ACADM: variants seen among roughly 807,000 people sequenced by gnomAD.
ACADM encodes acyl-CoA dehydrogenase medium chain.
ACADM carries 49 observed loss-of-function variants against 58.9 expected under a neutral mutation model. The observed-to-expected ratio is 0.83, with a 90% CI of 0.66 to 1.06. The LOEUF is 1.06. Among genes scored for constraint, ACADM ranks in the 50% least tolerant of loss-of-function variants. ACADM has a pLI of 0.00. For missense variants in ACADM, 496 were observed against 507.0 expected (o/e 0.98, Z 0.21); for synonymous variants, 160 against 157.7 (o/e 1.01, Z -0.11).
At chr1:75,743,314 C>T in intron 7 of ACADM, 1 of 1,297,232 alleles carries the variant, frequency 7.7e-7, no homozygotes, top group South Asian at 1.4e-5. Context: ...TTGAGGCCAA[C>T]AGCATGTGCC....
intron 7 of ACADM, chr1:75,743,964 C>T: frequency 1.9e-6 from 3 of 1,551,330 alleles, no homozygotes; most frequent in East Asian, 2.2e-5. Context: ...TATGTTTCTT[C>T]AAAAAAGCCT....
intron 7 of ACADM, chr1:75,744,230 G>A (rs1392614123): frequency 1.0e-5 from 16 of 1,585,838 alleles, no homozygotes; most frequent in East Asian, 8.9e-5. Context: ...TGGTGGCATC[G>A]AGTGGGTATG....
At chr1:75,741,011 G>C (rs546892938) in intron 7 of ACADM, among the ~76,000 whole-genome samples, 1 of 152,302 alleles carries the variant, frequency 6.6e-6, no homozygotes, top group Admixed American at 6.5e-5. Context: ...GAATTAATGA[G>C]TGAAAGTTAG....
At chr1:75,744,666 G>C (rs929487113) in intron 7 of ACADM, 2 of 857,562 alleles carry the variant, frequency 2.3e-6, no homozygotes, top group Admixed American at 1.7e-5. Flanking sequence ...CTGGTCCCTG[G>C]CATAAGGAGA....
Position 75,745,792 on chromosome 1 carries a change from T to C in ACADM, c.600-14T>C. ...CCGATATTATCACCATTATCCGGTA[T>C]GTGTATCTCTTAGGTATTTTTTATT... On this transcript the variant is annotated splice_polypyrimidine_tract_variant and intron_variant, in intron 7 of 11. Coordinates refer to ENST00000370841, the MANE Select transcript of ACADM (RefSeq NM_000016.6). 1 of 1,568,612 alleles carries C rather than the reference T, an allele frequency of 6.4e-7. No homozygotes were observed. Among genetic ancestry groups the C allele is most frequent in the South Asian group, 1.1e-5 (1 of 90,134 alleles).
At chr1:75,759,050 A>G (rs1648674881) in intron 10 of ACADM, among the ~76,000 whole-genome samples, 1 of 152,174 alleles carries the variant, frequency 6.6e-6, no homozygotes, top group African/African-American at 2.4e-5. Flanking sequence ...TGAAGTCAGC[A>G]AGACCACGAA....
At chr1:75,733,689 G>A in intron 5 of ACADM, 61 bp downstream of exon 5, 2 of 1,354,790 alleles carry the variant, frequency 1.5e-6, no homozygotes, top group Non-Finnish European at 2.1e-6. Flanking sequence ...AGTTACTCCT[G>A]AAGAAGTTGG....
At chr1:75,736,163 C>CAG (rs1170329057) in intron 6 of ACADM, among the ~76,000 whole-genome samples, 35 of 112,248 alleles carry the variant, frequency 3.1e-4, no homozygotes, top group Admixed American at 5.7e-4. Flanking sequence ...GATAAATACA[C>CAG]ACACAGACAT....
rs371418479 is a variant in ACADM at position 75,724,719 on chromosome 1, C to T, written c.-69C>T. The T allele has an allele frequency of 2.7e-5, 41 of 1,531,132 alleles. No homozygotes were observed. Among genetic ancestry groups the T allele is most frequent in the African/African-American group, 7.1e-5 (5 of 69,932 alleles). 94.8% of individuals were successfully genotyped at this position (1,531,132 alleles called of 1,614,324 possible). On this transcript the variant is annotated 5_prime_UTR_variant, in exon 1 of 12. Coordinates refer to ENST00000370841, the MANE Select transcript of ACADM (RefSeq NM_000016.6). ...CCAGTGGGCGGGACCAGAGGAGTCC[C>T]GCGTTCGGGGAGTATGTCAAGGCCG...
At chr1:75,728,246 TTTAAA>T in intron 1 of ACADM, 150 bp from the exon 2 acceptor site, 3 of 562,572 alleles carry the variant, frequency 5.3e-6, no homozygotes, top group South Asian at 4.5e-5. Context: ...AATTGGCTTA[TTTAAA>T]TTATGATTGA....
rs1209972174 is a variant in ACADM at position 75,737,279 on chromosome 1, A to AATTATATAT, written c.468+2410_468+2411insTATATATAT. Among the ~76,000 whole-genome samples, 8 of 43,126 alleles carry AATTATATAT rather than the reference A, an allele frequency of 1.9e-4. 1 individual carries two copies. Among genetic ancestry groups the AATTATATAT allele is most frequent in the African/African-American group, 6.8e-4 (7 of 10,298 alleles). The allele number at this position is 43,126 out of a possible 152,430, so 28.3% of individuals were successfully genotyped here. On this transcript the variant is annotated intron_variant, in intron 6 of 11. Coordinates refer to ENST00000370841, the MANE Select transcript of ACADM (RefSeq NM_000016.6). ...GAGACTGCCACCACACACACACACAAATATATATATATATATATATATATA... is the reference window on the plus strand; with the variant it reads ...GAGACTGCCACCACACACACACACAAATTATATATATATATATATATATATATATATATA...
At chr1:75,751,995 CTTTT>C (rs34262751) in intron 10 of ACADM, among the ~76,000 whole-genome samples, 1 of 140,270 alleles carries the variant, frequency 7.1e-6, no homozygotes, top group African/African-American at 2.7e-5. Flanking sequence ...TCCTATTTCT[CTTTT>C]TTTTTTTTTT....
intron 11 of ACADM, among the ~76,000 whole-genome samples, chr1:75,762,197 G>A (rs1030774637): frequency 1.3e-5 from 2 of 151,792 alleles, no homozygotes; most frequent in Admixed American, 6.6e-5. Flanking sequence ...ATGAACTAAC[G>A]AATGGCTAAA....
intron 10 of ACADM, among the ~76,000 whole-genome samples, chr1:75,753,643 CTCTT>C (rs1648327026): frequency 6.6e-6 from 1 of 151,636 alleles, no homozygotes; most frequent in Admixed American, 6.6e-5. Context: ...CTTTTATGTT[CTCTT>C]TCTTATAAAT....
rs1204495394 is a variant in ACADM at position 75,763,535 on chromosome 1, C to T, written c.*772C>T. The T allele has an allele frequency of 6.6e-6, 1 of 151,866 alleles. No homozygotes were observed. The highest frequency in any genetic ancestry group is 1.5e-5 in the Non-Finnish European group (1 of 67,994). 9.4% of individuals were successfully genotyped at this position (151,866 alleles called of 1,614,324 possible). The stretch of plus-strand genomic sequence containing the variant: ...TTTTTTCCAGGAAATTTCATTACTT[C>T]GTGTAATAGTGTATATTTCTTGTAT... On this transcript the variant is annotated 3_prime_UTR_variant, in exon 12 of 12. Transcript: ENST00000370841.
At chr1:75,728,005 C>G (rs953344666) in intron 1 of ACADM, among the ~76,000 whole-genome samples, 1 of 152,132 alleles carries the variant, frequency 6.6e-6, no homozygotes, top group Non-Finnish European at 1.5e-5. Context: ...GACTAGGCAA[C>G]TCTTGAACAC....
At chr1:75,731,941 C>T (rs969225041) in intron 2 of ACADM, among the ~76,000 whole-genome samples, 1 of 152,084 alleles carries the variant, frequency 6.6e-6, no homozygotes, top group African/African-American at 2.4e-5. Context: ...CATTTGAGCC[C>T]AGGAGTTCTA....
At chr1:75,736,717 T>A (rs1424670218) in intron 6 of ACADM, among the ~76,000 whole-genome samples, 1 of 151,442 alleles carries the variant, frequency 6.6e-6, no homozygotes, top group African/African-American at 2.4e-5. Context: ...GGCAAACTTT[T>A]AAAAAATTAA....
chr1:75,752,412 C>T (rs1648258123), intron 10 of ACADM, among the ~76,000 whole-genome samples: 1 of 152,194 alleles, frequency 6.6e-6, no homozygotes, highest in African/African-American at 2.4e-5. Context: ...TTCTCATCTT[C>T]TGTACCATCA....
Sources: allele counts gnomAD v4.1 joint callset (sites outside exome capture counted in the v4.1 genomes callset), GRCh38; gene constraint gnomAD v4.1.1; transcripts MANE v1.5; gene names NCBI Gene and HGNC (gene_info 2026-07-23, HGNC 2026-07-21).